Variants in TMEM132D observed in about 807,000 individuals in gnomAD.
TMEM132D encodes mature OL transmembrane protein.
A neutral mutation model predicts 62.3 loss-of-function variants in TMEM132D; 21 were observed. The ratio of observed to expected loss-of-function variants is 0.34; its 90% confidence interval spans 0.24 to 0.49. The LOEUF is 0.49. Among genes scored for constraint, TMEM132D ranks in the 20% least tolerant of loss-of-function variants. The pLI is 0.99. For synonymous variants in TMEM132D, 621 were observed against 575.6 expected, an observed-to-expected ratio of 1.08 and a Z score of -1.13; for missense variants, 1,346 against 1,402.8, an observed-to-expected ratio of 0.96 and a Z score of 0.65.
At chr12:129,346,617 A>T (rs1420774254) in intron 3 of TMEM132D, among the ~76,000 whole-genome samples, 1 of 152,202 alleles carries the variant, frequency 6.6e-6, no homozygotes, top group African/African-American at 2.4e-5. Context: ...GAATGGGTAC[A>T]AGCTGGAAGC....
At chr12:129,653,326 A>T (rs1879981296) in intron 2 of TMEM132D, among the ~76,000 whole-genome samples, 1 of 152,174 alleles carries the variant, frequency 6.6e-6, no homozygotes, top group South Asian at 2.1e-4. Flanking sequence ...GCTAAGTGCA[A>T]TGTGAAGGTG....
At chr12:129,231,656 C>T (rs1259961996) in intron 4 of TMEM132D, among the ~76,000 whole-genome samples, 1 of 152,178 alleles carries the variant, frequency 6.6e-6, no homozygotes, top group Non-Finnish European at 1.5e-5. Flanking sequence ...GCAGCTGTGG[C>T]TGATGAGCTC....
At chr12:129,236,899 C>A (rs534740002) in intron 4 of TMEM132D, among the ~76,000 whole-genome samples, 6 of 152,056 alleles carry the variant, frequency 3.9e-5, no homozygotes, top group Non-Finnish European at 7.4e-5. Context: ...AGGTAAATTC[C>A]TTCTATACCT....
intron 4 of TMEM132D, among the ~76,000 whole-genome samples, chr12:129,234,819 G>A (rs1314507697): frequency 6.6e-6 from 1 of 152,088 alleles, no homozygotes; most frequent in Non-Finnish European, 1.5e-5. Flanking sequence ...AATCTATGTG[G>A]GTGAAATCCA....
At chr12:129,182,686 ACATCT>A (rs1878101327) in intron 5 of TMEM132D, among the ~76,000 whole-genome samples, 1 of 152,254 alleles carries the variant, frequency 6.6e-6, no homozygotes, top group Non-Finnish European at 1.5e-5. Context: ...ATCTAAGTAC[ACATCT>A]TCCCAGAAAT....
intron 3 of TMEM132D, among the ~76,000 whole-genome samples, chr12:129,472,473 C>G (rs1874121147): frequency 6.6e-6 from 1 of 152,086 alleles, no homozygotes; most frequent in Non-Finnish European, 1.5e-5. Context: ...AGGATAAATA[C>G]CTAATGCATG....
At chr12:129,345,499 T>C (rs1317163507) in intron 3 of TMEM132D, among the ~76,000 whole-genome samples, 1 of 152,172 alleles carries the variant, frequency 6.6e-6, no homozygotes, top group East Asian at 1.9e-4. Context: ...GTAATACTGG[T>C]ATTTGGCTTC....
intron 1 of TMEM132D, among the ~76,000 whole-genome samples, chr12:129,760,467 G>A (rs910944183): frequency 3.3e-5 from 5 of 151,438 alleles, no homozygotes; most frequent in Admixed American, 2.0e-4. Flanking sequence ...GAGTAGCTGG[G>A]ACTACAGGCC....
At position 129,546,661 on chromosome 12, in the gene TMEM132D, C is replaced by T. The variant is rs190553731; in HGVS notation, c.969-15456G>A. The stretch of plus-strand genomic sequence containing the variant: ...CTAAAAATAAAAAAAATTAGCCAGG[C>T]GTGGTGGCATACACCTGTAATCCCA... On this transcript the variant is annotated intron_variant, in intron 2 of 8. Transcript: ENST00000422113. Among the ~76,000 whole-genome samples, 133 of 152,076 alleles carry T rather than the reference C, an allele frequency of 8.7e-4. No homozygotes were observed. In the Middle Eastern group the frequency reaches 0.014, roughly 16 times the overall value.
chr12:129,498,396 G>A (rs895279857), intron 3 of TMEM132D, among the ~76,000 whole-genome samples: 12 of 152,114 alleles, frequency 7.9e-5, no homozygotes, highest in African/African-American at 2.9e-4. Flanking sequence ...CGGGGTTACA[G>A]GCTCACACCA....
intron 2 of TMEM132D, among the ~76,000 whole-genome samples, chr12:129,612,024 A>C (rs957969547): frequency 2.6e-5 from 4 of 152,204 alleles, no homozygotes; most frequent in Admixed American, 6.5e-5. Flanking sequence ...GTGGCTCTTC[A>C]TAGAAAGGAG....
At chr12:129,860,809 AAAG>A (rs1210176628) in intron 1 of TMEM132D, among the ~76,000 whole-genome samples, 2 of 152,200 alleles carry the variant, frequency 1.3e-5, no homozygotes, top group Admixed American at 6.5e-5. Context: ...GCAGCAGGAG[AAAG>A]AAGAATGAGA....
intron 5 of TMEM132D, among the ~76,000 whole-genome samples, chr12:129,172,323 CT>C (rs1182795384): frequency 2.0e-5 from 3 of 152,234 alleles, no homozygotes; most frequent in African/African-American, 7.2e-5. Flanking sequence ...ACCACCAAAA[CT>C]TTTTCATATC....
intron 3 of TMEM132D, among the ~76,000 whole-genome samples, chr12:129,418,196 C>A (rs1429553387): frequency 6.6e-6 from 1 of 152,300 alleles, no homozygotes; most frequent in Non-Finnish European, 1.5e-5. Flanking sequence ...TTTGACTTGG[C>A]AATCCCATTA....
intron 5 of TMEM132D, among the ~76,000 whole-genome samples, chr12:129,155,611 T>C (rs1877217409): frequency 6.6e-6 from 1 of 152,228 alleles, no homozygotes; most frequent in African/African-American, 2.4e-5. Context: ...ATTAAGGTGC[T>C]GTCATCTAGC....
intron 3 of TMEM132D, among the ~76,000 whole-genome samples, chr12:129,485,637 G>T (rs1338520222): frequency 6.6e-6 from 1 of 152,218 alleles, no homozygotes; most frequent in African/African-American, 2.4e-5. Flanking sequence ...GCAGCTGTTT[G>T]CAGAGGGCAC....
Position 129,633,149 on chromosome 12 carries a change from A to G in TMEM132D, c.968+66661T>C, listed in dbSNP as rs544803333. On this transcript the variant is annotated intron_variant, in intron 2 of 8. Coordinates refer to ENST00000422113, the MANE Select transcript of TMEM132D (RefSeq NM_133448.3). Reference sequence around the variant, plus strand: ...ACCGTCGCATTACAGACAAAGCAAAATTCATGTACAAAGAGACAAACATCT... The same window carrying G: ...ACCGTCGCATTACAGACAAAGCAAAGTTCATGTACAAAGAGACAAACATCT... Among the ~76,000 whole-genome samples the G allele has an allele frequency of 2.6e-5, 4 of 152,328 alleles. No homozygotes were observed. The South Asian group carries it at 6.2e-4, about 24-fold the overall frequency.
intron 4 of TMEM132D, among the ~76,000 whole-genome samples, chr12:129,296,541 T>C (rs1327063975): frequency 6.6e-6 from 1 of 152,210 alleles, no homozygotes; most frequent in Non-Finnish European, 1.5e-5. Context: ...TGAACCCTAT[T>C]CCTGTTTCTT....
chr12:129,186,460 G>T (rs929993238), intron 5 of TMEM132D, among the ~76,000 whole-genome samples: 2 of 152,144 alleles, frequency 1.3e-5, no homozygotes, highest in African/African-American at 4.8e-5. Flanking sequence ...TTACTTTCTT[G>T]CACCTCCCCA....
Sources: gnomAD v4.1 joint callset for allele counts (sites outside exome capture counted in the v4.1 genomes callset) on GRCh38, gnomAD v4.1.1 for gene constraint, MANE v1.5 for transcripts, NCBI Gene and HGNC (gene_info 2026-07-23, HGNC 2026-07-21) for gene names.